The following STAMBP variants were observed in gnomAD, a reference collection of about 807,000 sequenced individuals.
STAMBP encodes STAM binding protein.
Under a neutral mutation model 50.7 loss-of-function variants are expected in STAMBP, and 31 were observed. The ratio of observed to expected loss-of-function variants is 0.61; its 90% CI spans 0.46 to 0.83. The LOEUF (loss-of-function observed/expected upper bound fraction) is 0.83. Ranked by LOEUF, STAMBP falls within the 40% of genes least tolerant of loss-of-function variation. The pLI is 0.00. For missense variants in STAMBP, 472 were observed against 518.9 expected (o/e 0.91, Z 0.88); for synonymous variants, 211 against 192.4 (o/e 1.10, Z -0.80).
At chr2:73,831,693 T>C (rs189226413) in intron 2 of STAMBP, among the ~76,000 whole-genome samples, 4 of 152,342 alleles carry the variant, frequency 2.6e-5, no homozygotes, top group Admixed American at 2.0e-4. Flanking sequence ...TTAAAGGTCT[T>C]ATTTATCATT....
rs1558552851 is a variant in STAMBP at position 73,831,078 on chromosome 2, C to T, written c.203+19C>T. The T allele has an allele frequency of 6.2e-7, 1 of 1,606,482 alleles. No homozygotes were observed. The highest frequency in any genetic ancestry group is 1.7e-5 in the Admixed American group (1 of 59,956). ...ATATCACGTAAGACACCTACAGTTT[C>T]CTTTTTCCTTTCTGGTGACTGGTGC... On this transcript the variant is annotated intron_variant, in intron 2 of 9. Coordinates refer to ENST00000394070, the MANE Select transcript of STAMBP (RefSeq NM_213622.4).
chr2:73,855,684 T>C (rs909505595), intron 7 of STAMBP: 13 of 456,016 alleles, frequency 2.9e-5, no homozygotes, highest in African/African-American at 1.0e-4. Context: ...GTGGATTTGC[T>C]GCCTGCACTG....
chr2:73,858,185 T>A (rs1573388972), intron 7 of STAMBP, among the ~76,000 whole-genome samples: 3 of 117,000 alleles, frequency 2.6e-5, no homozygotes, highest in East Asian at 2.5e-4. Flanking sequence ...TTTTTTTTTT[T>A]AGTAGAGACA....
intron 5 of STAMBP, among the ~76,000 whole-genome samples, chr2:73,848,929 G>A (rs1676461651): frequency 6.6e-6 from 1 of 151,966 alleles, no homozygotes; most frequent in Admixed American, 6.6e-5. Context: ...TACATAGTAG[G>A]TGTATGTATT....
In STAMBP at chr2:73,866,651, T is replaced by A. The variant is rs185676164; in HGVS notation, c.*4392T>A. 17 of 152,384 alleles carry A rather than the reference T, an allele frequency of 1.1e-4. No homozygotes were observed. The highest frequency in any genetic ancestry group is 2.4e-4 in the Non-Finnish European group (16 of 68,080). 9.4% of individuals were successfully genotyped at this position (152,384 alleles called of 1,614,324 possible). On this transcript the variant is annotated 3_prime_UTR_variant, in exon 10 of 10. Coordinates refer to ENST00000394070, the MANE Select transcript of STAMBP (RefSeq NM_213622.4). Reference sequence around the variant, plus strand: ...TCAGCATCATATGCTGGGCCTGTGCTGCACTTGAGCTTTCTTTCCAGCCGC... The same window carrying A: ...TCAGCATCATATGCTGGGCCTGTGCAGCACTTGAGCTTTCTTTCCAGCCGC...
At chr2:73,870,582 T>C (rs542600293), downstream of STAMBP, among the ~76,000 whole-genome samples, 1 of 152,332 alleles carries the variant, frequency 6.6e-6, no homozygotes, top group Non-Finnish European at 1.5e-5. Flanking sequence ...AGGATGTTTC[T>C]TGTGTTGGAC....
chr2:73,844,693 C>A, intron 2 of STAMBP, 120 bp from the exon 3 acceptor site: 1 of 739,636 alleles, frequency 1.4e-6, no homozygotes, highest in East Asian at 2.8e-5. Context: ...TTAGCTCTCC[C>A]TCCGCTGCAC....
In STAMBP at chr2:73,865,422, G is replaced by A. The variant is rs1678778776; in HGVS notation, c.*3163G>A. 1 of 152,164 alleles carries A rather than the reference G, an allele frequency of 6.6e-6. No homozygotes were observed. The highest frequency in any genetic ancestry group is 2.1e-4 in the South Asian group (1 of 4,830). 9.4% of individuals were successfully genotyped at this position (152,164 alleles called of 1,614,324 possible). On this transcript the variant is annotated 3_prime_UTR_variant, in exon 10 of 10. Coordinates refer to ENST00000394070, the MANE Select transcript of STAMBP (RefSeq NM_213622.4). ...TTGTCCAAGGATCTTTCAAACATGT[G>A]AGCCCAGAGTAGAACTTCTGAGTCA...
At position 73,866,147 on chromosome 2, in the gene STAMBP, T is replaced by G. The variant is rs1009066653; in HGVS notation, c.*3888T>G. The G allele has an allele frequency of 6.6e-6, 1 of 152,262 alleles. No homozygotes were observed. Among genetic ancestry groups the G allele is most frequent in the Non-Finnish European group, 1.5e-5 (1 of 68,060 alleles). The allele number at this position is 152,262 out of a possible 1,614,324, so 9.4% of individuals were successfully genotyped here. A position where few individuals can be genotyped will look rare whatever the true frequency, so the allele number is the denominator to read the frequency against. ...CCAGGGTTCAATTTTTAGTTCACCT[T>G]AGCCTGTTTGAGATTAGAAGCTGGG... On this transcript the variant is annotated 3_prime_UTR_variant, in exon 10 of 10. Coordinates refer to ENST00000394070, the MANE Select transcript of STAMBP (RefSeq NM_213622.4).
intron 2 of STAMBP, among the ~76,000 whole-genome samples, chr2:73,837,217 A>G (rs1674814991): frequency 6.6e-6 from 1 of 152,198 alleles, no homozygotes; most frequent in African/African-American, 2.4e-5. Flanking sequence ...AATAGCATCT[A>G]AACATCACTA....
At chr2:73,832,478 T>C (rs60450783) in intron 2 of STAMBP, among the ~76,000 whole-genome samples, 43 of 145,826 alleles carry the variant, frequency 2.9e-4, no homozygotes, top group African/African-American at 9.4e-4. Flanking sequence ...AAAAAAAAAG[T>C]CTCCCCACCC....
At chr2:73,871,958 A>G (rs951338940), downstream of STAMBP, among the ~76,000 whole-genome samples, 2 of 151,828 alleles carry the variant, frequency 1.3e-5, no homozygotes, top group African/African-American at 4.8e-5. Flanking sequence ...TTTTTAGTAT[A>G]GACGGGGTTT....
chr2:73,869,070 A>G (rs760689159), downstream of STAMBP, among the ~76,000 whole-genome samples: 9 of 152,240 alleles, frequency 5.9e-5, no homozygotes, highest in Non-Finnish European at 4.4e-5. Flanking sequence ...GATAAAGAGT[A>G]TACTACTGGA....
chr2:73,870,367 G>A (rs1310814691), downstream of STAMBP: 1 of 152,378 alleles, frequency 6.6e-6, no homozygotes, highest in African/African-American at 2.4e-5. Context: ...GTGGAGAGCT[G>A]AGAAAGAACT....
At chr2:73,869,130 GATA>G (rs1269584882), downstream of STAMBP, among the ~76,000 whole-genome samples, 1 of 152,098 alleles carries the variant, frequency 6.6e-6, no homozygotes, top group Non-Finnish European at 1.5e-5. Flanking sequence ...GAAATCTGAA[GATA>G]ATAAATTCTG....
At position 73,830,894 on chromosome 2, in the gene STAMBP, A is replaced by G; in HGVS notation, c.38A>G (p.Asp13Gly). The change falls in exon 2 of 10, where the codon GAC (aspartate) becomes GGC (glycine). Residue 13 changes from aspartate (D) to glycine (G), a missense_variant. Transcript: ENST00000394070. ...GGAGATGTGAGCCTCCCGCCCGAAG[A>G]CCGGGTGAGGGCTCTCTCCCAGCTG... Reference protein sequence around the residue: ...DHGDVSLPPEDRVRALSQLGS... With the variant: ...DHGDVSLPPEGRVRALSQLGS... The G allele has an allele frequency of 6.2e-7, 1 of 1,613,768 alleles. No homozygotes were observed. The highest frequency in any genetic ancestry group is 8.5e-7 in the Non-Finnish European group (1 of 1,180,016).
chr2:73,852,107 G>A (rs1676891062), intron 7 of STAMBP, among the ~76,000 whole-genome samples: 1 of 152,166 alleles, frequency 6.6e-6, no homozygotes, highest in Non-Finnish European at 1.5e-5. Context: ...ACAGTTTTAA[G>A]GTAGGTTGTG....
At chr2:73,838,394 A>G (rs559165829) in intron 2 of STAMBP, among the ~76,000 whole-genome samples, 1 of 152,198 alleles carries the variant, frequency 6.6e-6, no homozygotes, top group African/African-American at 2.4e-5. Context: ...TCTTTGGAGA[A>G]GTTTAGATGG....
intron 7 of STAMBP, among the ~76,000 whole-genome samples, chr2:73,851,766 A>G (rs1419144482): frequency 6.6e-6 from 1 of 151,910 alleles, no homozygotes; most frequent in Non-Finnish European, 1.5e-5. Flanking sequence ...CAGCCTCCCA[A>G]GTAGCTGGGA....
Sources: gnomAD v4.1 joint callset for allele counts (sites outside exome capture counted in the v4.1 genomes callset) on GRCh38, gnomAD v4.1.1 for gene constraint, MANE v1.5 for transcripts, NCBI Gene and HGNC (gene_info 2026-07-23, HGNC 2026-07-21) for gene names.